PITPNC1: variants seen among roughly 807,000 people sequenced by gnomAD.
PITPNC1 encodes phosphatidylinositol transfer protein cytoplasmic 1.
A neutral mutation model predicts 44.7 loss-of-function variants in PITPNC1; 18 were observed. That is an observed-to-expected ratio of 0.40 (90% CI 0.28 to 0.60). The LOEUF (loss-of-function observed/expected upper bound fraction) is 0.60. PITPNC1 is among the 20% of genes least tolerant of loss of function. The probability of loss-of-function intolerance (pLI) is 0.39; values close to 1 mark genes in which losing one functional copy is unlikely to be tolerated. For missense variants in PITPNC1, 290 were observed against 418.4 expected, an observed-to-expected ratio of 0.69 and a Z score of 2.68; for synonymous variants, 141 against 149.6, an observed-to-expected ratio of 0.94 and a Z score of 0.42.
chr17:67,634,592 C>T (rs1175162336), intron 6 of PITPNC1, among the ~76,000 whole-genome samples: 3 of 152,070 alleles, frequency 2.0e-5, no homozygotes, highest in African/African-American at 7.2e-5. Flanking sequence ...AGGACACTTC[C>T]AATCTAACAA....
chr17:67,397,953 C>T (rs1228666067), intron 1 of PITPNC1, among the ~76,000 whole-genome samples: 2 of 152,034 alleles, frequency 1.3e-5, no homozygotes, highest in African/African-American at 4.8e-5. Context: ...ATTAGCCGGG[C>T]GTGGTGGCGG....
intron 1 of PITPNC1, among the ~76,000 whole-genome samples, chr17:67,468,594 G>A (rs771280942): frequency 2.0e-5 from 3 of 151,260 alleles, no homozygotes; most frequent in Admixed American, 6.6e-5. Context: ...TAGTAGAGAC[G>A]GGGTTTCACC....
chr17:67,452,858 A>AT (rs896322101), intron 1 of PITPNC1, among the ~76,000 whole-genome samples: 11 of 152,046 alleles, frequency 7.2e-5, no homozygotes, highest in African/African-American at 2.7e-4. Context: ...TAGTTCTTGC[A>AT]TTTTTTTACT....
intron 1 of PITPNC1, among the ~76,000 whole-genome samples, chr17:67,479,126 C>T (rs1321010453): frequency 6.6e-6 from 1 of 152,174 alleles, no homozygotes. Flanking sequence ...CCCAACCCTA[C>T]CTTTCCTGAG....
At chr17:67,637,947 C>T (rs1465322423) in intron 6 of PITPNC1, 1 of 152,018 alleles carries the variant, frequency 6.6e-6, no homozygotes. Flanking sequence ...CCACTGAGAC[C>T]CTGCCCGCCC....
intron 1 of PITPNC1, among the ~76,000 whole-genome samples, chr17:67,444,151 C>G (rs964770479): frequency 2.6e-5 from 4 of 152,138 alleles, no homozygotes; most frequent in African/African-American, 7.2e-5. Context: ...TCTGCTACCC[C>G]CATCCCTGGA....
At chr17:67,424,546 A>G (rs1175716999) in intron 1 of PITPNC1, among the ~76,000 whole-genome samples, 1 of 151,864 alleles carries the variant, frequency 6.6e-6, no homozygotes, top group Non-Finnish European at 1.5e-5. Context: ...AATCCCAGCT[A>G]CTCAGGAGGC....
chr17:67,399,042 T>C (rs528597728), intron 1 of PITPNC1, among the ~76,000 whole-genome samples: 21 of 130,268 alleles, frequency 1.6e-4, no homozygotes, highest in African/African-American at 6.3e-4. Context: ...TGAGACGCAG[T>C]CGCGCTCTGT....
intron 4 of PITPNC1, among the ~76,000 whole-genome samples, chr17:67,576,097 A>T: frequency 6.6e-6 from 1 of 151,844 alleles, no homozygotes; most frequent in Admixed American, 6.6e-5. Context: ...GGCTGGTCTC[A>T]AACCCCTGAC....
chr17:67,443,152 G>A (rs2039040069), intron 1 of PITPNC1, among the ~76,000 whole-genome samples: 1 of 151,980 alleles, frequency 6.6e-6, no homozygotes, highest in Admixed American at 6.6e-5. Context: ...CCACCAGGGC[G>A]CCTGCCCTGT....
intron 4 of PITPNC1, among the ~76,000 whole-genome samples, chr17:67,567,068 G>A (rs758806285): frequency 1.3e-5 from 2 of 152,170 alleles, no homozygotes; most frequent in South Asian, 2.1e-4. Flanking sequence ...CAGGAAGGAC[G>A]GTATAACACT....
chr17:67,579,685 T>C (rs2041202252), intron 5 of PITPNC1, among the ~76,000 whole-genome samples: 1 of 143,046 alleles, frequency 7.0e-6, no homozygotes, highest in Non-Finnish European at 1.5e-5. Flanking sequence ...ACGCCTGTAA[T>C]CCTAGCATGT....
chr17:67,587,489 G>A (rs1315939590), intron 5 of PITPNC1, among the ~76,000 whole-genome samples: 1 of 146,314 alleles, frequency 6.8e-6, no homozygotes, highest in East Asian at 1.9e-4. Flanking sequence ...GCGAGACTCT[G>A]TCTCAAAAGA....
intron 1 of PITPNC1, among the ~76,000 whole-genome samples, chr17:67,459,283 A>G (rs1422571492): frequency 6.6e-6 from 1 of 151,674 alleles, no homozygotes; most frequent in African/African-American, 2.4e-5. Flanking sequence ...ACATCCAGCT[A>G]ATTTTGTATT....
chr17:67,436,544 C>T (rs542058166), intron 1 of PITPNC1, among the ~76,000 whole-genome samples: 37 of 152,038 alleles, frequency 2.4e-4, no homozygotes, highest in African/African-American at 8.4e-4. Context: ...ACGAACGTAC[C>T]GGACAGGGCG....
chr17:67,379,358 G>T, intron 1 of PITPNC1: 1 of 985,492 alleles, frequency 1.0e-6, no homozygotes. Flanking sequence ...GCTCACAGGG[G>T]CTGTCCGTAT....
Position 67,696,243 on chromosome 17 carries a change from A to C in PITPNC1, c.*3355A>C, listed in dbSNP as rs567079634. 6.6e-6 allele frequency: 1 copy of C among 152,244 alleles called. No individual in the cohort carries two copies. The highest frequency in any genetic ancestry group is 1.9e-4 in the East Asian group (1 of 5,190). 9.4% of individuals were successfully genotyped at this position (152,244 alleles called of 1,614,324 possible). A position where few individuals can be genotyped will look rare whatever the true frequency, so the allele number is the denominator to read the frequency against. The stretch of plus-strand genomic sequence containing the variant: ...CTGTGGTTTTCTTTCAAGACACTGT[A>C]ATAAACAGTGAACTAAGAGAATAGA... On this transcript the variant is annotated 3_prime_UTR_variant, in exon 9 of 9. Coordinates refer to ENST00000581322, the MANE Select transcript of PITPNC1 (RefSeq NM_012417.4).
rs1304523423 is a variant in PITPNC1 at position 67,539,337 on chromosome 17, C to G, written c.197+6387C>G. 2.6e-5 allele frequency among the ~76,000 whole-genome samples: 4 copies of G among 152,136 alleles called. 1 individual carries two copies. Among genetic ancestry groups the G allele is most frequent in the Admixed American group, 6.5e-5 (1 of 15,268 alleles). ...GTAGAGCCCTAGAAAAATTCTTGCACTGTACACAAGGAGACATTTACCAGG... is the reference window on the plus strand; with the variant it reads ...GTAGAGCCCTAGAAAAATTCTTGCAGTGTACACAAGGAGACATTTACCAGG... On this transcript the variant is annotated intron_variant, in intron 2 of 8. Transcript: ENST00000581322.
chr17:67,559,027 A>G (rs182173421), intron 4 of PITPNC1, among the ~76,000 whole-genome samples: 1 of 152,278 alleles, frequency 6.6e-6, no homozygotes, highest in Admixed American at 6.5e-5. Flanking sequence ...TCTGAAAGCC[A>G]CTAAACTATC....
Sources: gnomAD v4.1 joint callset for allele counts (sites outside exome capture counted in the v4.1 genomes callset) on GRCh38, gnomAD v4.1.1 for gene constraint, MANE v1.5 for transcripts, NCBI Gene and HGNC (gene_info 2026-07-23, HGNC 2026-07-21) for gene names.